Variants in DLGAP2 observed in about 807,000 individuals in gnomAD.
DLGAP2 encodes disks large-associated protein 2.
Under a neutral mutation model 100.3 loss-of-function variants are expected in DLGAP2, and 26 were observed. The observed-to-expected ratio is 0.26, with a 90% confidence interval of 0.19 to 0.36. DLGAP2 has a LOEUF of 0.36. Ranked by LOEUF, DLGAP2 falls within the 10% of genes least tolerant of loss-of-function variation. DLGAP2 has a pLI of 1.00. For synonymous variants in DLGAP2, 886 were observed against 630.1 expected (o/e 1.41, Z -6.08); for missense variants, 1,858 against 1,453.2 (o/e 1.28, Z -4.53).
intron 2 of DLGAP2, among the ~76,000 whole-genome samples, chr8:986,844 G>C (rs1800502051): frequency 6.6e-6 from 1 of 152,064 alleles, no homozygotes; most frequent in Non-Finnish European, 1.5e-5. Flanking sequence ...ATTTTTGGTA[G>C]AGATGGGGTT....
At chr8:1,202,294 A>ATGTGTG (rs1206587662) in intron 2 of DLGAP2, among the ~76,000 whole-genome samples, 1 of 93,024 alleles carries the variant, frequency 1.1e-5, no homozygotes, top group Non-Finnish European at 2.0e-5. Context: ...TGTATGTAGT[A>ATGTGTG]TATGTGTGTG....
chr8:825,700 T>C (rs1796674155), intron 1 of DLGAP2, among the ~76,000 whole-genome samples: 1 of 152,218 alleles, frequency 6.6e-6, no homozygotes, highest in South Asian at 2.1e-4. Flanking sequence ...TTTTTAAAAA[T>C]TTTTAATTAT....
At chr8:769,908 G>A (rs990466019) in intron 1 of DLGAP2, among the ~76,000 whole-genome samples, 5 of 152,178 alleles carry the variant, frequency 3.3e-5, no homozygotes, top group African/African-American at 1.2e-4. Flanking sequence ...CGGCTGAGCT[G>A]ACTGGCTTCA....
chr8:1,689,706 C>T (rs1229708412), intron 12 of DLGAP2, among the ~76,000 whole-genome samples: 1 of 152,158 alleles, frequency 6.6e-6, no homozygotes, highest in East Asian at 1.9e-4. Context: ...TGAGCCAGCT[C>T]AGGAAAGACG....
chr8:1,510,545 TC>T (rs1390973993), intron 4 of DLGAP2, among the ~76,000 whole-genome samples: 1 of 152,218 alleles, frequency 6.6e-6, no homozygotes, highest in Non-Finnish European at 1.5e-5. Context: ...AGGAACTGCC[TC>T]CCACCTGTCA....
At chr8:1,380,937 CAAAAAAAAA>C (rs34675828) in intron 3 of DLGAP2, 20 of 77,128 alleles carry the variant, frequency 2.6e-4, no homozygotes, top group African/African-American at 5.4e-4. Flanking sequence ...GAACATGATT[CAAAAAAAAA>C]AAAAAAAAAA....
At chr8:1,356,728 C>T (rs1449848375) in intron 3 of DLGAP2, among the ~76,000 whole-genome samples, 3 of 152,160 alleles carry the variant, frequency 2.0e-5, no homozygotes, top group Non-Finnish European at 4.4e-5. Flanking sequence ...TAAAGGGTAA[C>T]AGGCAAGGCC....
At chr8:1,159,999 G>C (rs1203547768) in intron 2 of DLGAP2, among the ~76,000 whole-genome samples, 2 of 152,136 alleles carry the variant, frequency 1.3e-5, no homozygotes, top group Non-Finnish European at 2.9e-5. Context: ...CTTTAAGTGT[G>C]AGGAGGCAGC....
Position 1,443,457 on chromosome 8 carries a change from A to C in DLGAP2, c.107-57909A>C, listed in dbSNP as rs145410940. Among the ~76,000 whole-genome samples the C allele has an allele frequency of 3.9e-4, 60 of 152,268 alleles. 1 individual carries two copies. In the East Asian group the frequency reaches 0.011, roughly 28 times the overall value. ...CAGTTTCACTTAATGCTTCATGAAT[A>C]TATTCTCACATCCCTCAGTCTTCTC... is the stretch of plus-strand genomic sequence containing the variant. On this transcript the variant is annotated intron_variant, in intron 3 of 14. Coordinates refer to ENST00000637795, the MANE Select transcript of DLGAP2 (RefSeq NM_001346810.2).
intron 6 of DLGAP2, among the ~76,000 whole-genome samples, chr8:1,616,042 T>A (rs1797142737): frequency 6.6e-6 from 1 of 152,190 alleles, no homozygotes; most frequent in African/African-American, 2.4e-5. Context: ...CCTGACTAGA[T>A]GGAGAAATGA....
chr8:1,176,529 C>G (rs543270777), intron 2 of DLGAP2, among the ~76,000 whole-genome samples: 2 of 152,316 alleles, frequency 1.3e-5, no homozygotes, highest in African/African-American at 4.8e-5. Context: ...CCCTCACAGC[C>G]GCCCTGTGAA....
intron 2 of DLGAP2, among the ~76,000 whole-genome samples, chr8:955,532 G>A (rs1460153455): frequency 2.6e-5 from 4 of 152,076 alleles, no homozygotes; most frequent in African/African-American, 9.7e-5. Flanking sequence ...CGGGTTGGGT[G>A]GGCTTCCTTC....
intron 3 of DLGAP2, among the ~76,000 whole-genome samples, chr8:1,285,824 C>A (rs1333170841): frequency 1.3e-5 from 2 of 152,090 alleles, no homozygotes; most frequent in Non-Finnish European, 2.9e-5. Context: ...TAAAAATGAG[C>A]TGGGCGTAGT....
At chr8:1,568,993 T>C (rs1313561394) in intron 6 of DLGAP2, among the ~76,000 whole-genome samples, 2 of 143,328 alleles carry the variant, frequency 1.4e-5, no homozygotes, top group African/African-American at 2.7e-5. Context: ...TCTCTGCCTG[T>C]GGCCCCCATG....
chr8:1,297,452 G>C (rs1364106644), intron 3 of DLGAP2, among the ~76,000 whole-genome samples: 2 of 152,168 alleles, frequency 1.3e-5, no homozygotes, highest in Non-Finnish European at 2.9e-5. Flanking sequence ...ACAGGGAGGA[G>C]AAAGGTGGCA....
At chr8:1,553,662 C>T (rs772229316) in intron 5 of DLGAP2, among the ~76,000 whole-genome samples, 20 of 152,206 alleles carry the variant, frequency 1.3e-4, no homozygotes, top group Admixed American at 9.2e-4. Context: ...TCCCTGCTCC[C>T]GCCCTCTGCA....
intron 3 of DLGAP2, among the ~76,000 whole-genome samples, chr8:1,285,349 T>C (rs542981591): frequency 6.6e-6 from 1 of 152,338 alleles, no homozygotes; most frequent in Admixed American, 6.5e-5. Flanking sequence ...TTTTGATTTA[T>C]TTTTCTCAAA....
intron 3 of DLGAP2, among the ~76,000 whole-genome samples, chr8:1,431,668 G>A (rs924566683): frequency 6.6e-6 from 1 of 152,208 alleles, no homozygotes; most frequent in Non-Finnish European, 1.5e-5. Flanking sequence ...TCCTTCCAGT[G>A]TAGCTTTCAG....
chr8:761,365 C>T (rs1371204916), intron 1 of DLGAP2, among the ~76,000 whole-genome samples: 16 of 152,232 alleles, frequency 1.1e-4, no homozygotes, highest in African/African-American at 3.4e-4. Context: ...TCCTCAACCA[C>T]CTCGAATCGG....
Sources: allele counts gnomAD v4.1 joint callset (sites outside exome capture counted in the v4.1 genomes callset), GRCh38; gene constraint gnomAD v4.1.1; transcripts MANE v1.5; gene names NCBI Gene and HGNC (gene_info 2026-07-23, HGNC 2026-07-21).